Variants in MFSD6 observed in about 807,000 individuals in gnomAD.
MFSD6 encodes major facilitator superfamily domain-containing protein 6.
A neutral mutation model predicts 56.3 loss-of-function variants in MFSD6; 26 were observed. The ratio of observed to expected loss-of-function variants is 0.46; its 90% CI spans 0.34 to 0.64. MFSD6 has a LOEUF of 0.64. Among genes scored for constraint, MFSD6 ranks in the 30% least tolerant of loss-of-function variants. MFSD6 has a pLI of 0.01. For missense variants in MFSD6, 750 were observed against 986.2 expected (o/e 0.76, Z 3.21); for synonymous variants, 331 against 366.9 (o/e 0.90, Z 1.12).
chr2:190,461,791 G>T lies in MFSD6; in HGVS notation c.1533-7967G>T, dbSNP rs1453453187. Among the ~76,000 whole-genome samples the T allele has an allele frequency of 6.6e-6, 1 of 152,054 alleles. No individual in the cohort carries two copies. The highest frequency in any genetic ancestry group is 1.9e-4 in the East Asian group (1 of 5,192). ...AGTTTCAACATATGAATTTTGGAGG[G>T]TATACAGACATTTAAACTGTAGTAT... On this transcript the variant is annotated intron_variant, in intron 3 of 7. Transcript: ENST00000392328. This position sits in a 1 kb window ranked among gnomAD's most constrained non-coding sequence, Gnocchi z 5.5.
rs959434751 is a variant in MFSD6, at chr2:190,467,054, G to C, written c.1533-2704G>C. ...CATGGCAACCCTGATTCAGAGGTGG[G>C]CTCAAAAGACAGCTTCAGGATAGAC... is the stretch of plus-strand genomic sequence containing the variant. On this transcript the variant is annotated intron_variant, in intron 3 of 7. Coordinates refer to ENST00000392328, the MANE Select transcript of MFSD6 (RefSeq NM_017694.4). This position sits in a 1 kb window ranked among gnomAD's most constrained non-coding sequence, Gnocchi z 5.5. 1.3e-5 allele frequency among the ~76,000 whole-genome samples: 2 copies of C among 152,220 alleles called. No individual in the cohort carries two copies. The highest frequency in any genetic ancestry group is 6.5e-5 in the Admixed American group (1 of 15,282).
chr2:190,478,566 A>C (rs1229119988), intron 4 of MFSD6, among the ~76,000 whole-genome samples: 1 of 152,202 alleles, frequency 6.6e-6, no homozygotes, highest in Non-Finnish European at 1.5e-5. Flanking sequence ...CCGTGTGCTT[A>C]AAGGAGACTC....
intron 1 of MFSD6, chr2:190,411,148 A>G (rs1348164890): frequency 1.0e-6 from 1 of 976,278 alleles, no homozygotes; most frequent in African/African-American, 1.8e-5. Context: ...TTGTCCCCAA[A>G]CTGTTGACAG....
chr2:190,423,678 T>A lies in MFSD6; in HGVS notation c.-54+8265T>A, dbSNP rs921550550. Among the ~76,000 whole-genome samples the A allele has an allele frequency of 6.6e-6, 1 of 152,236 alleles. No individual in the cohort carries two copies. Among genetic ancestry groups the A allele is most frequent in the Non-Finnish European group, 1.5e-5 (1 of 68,038 alleles). On this transcript the variant is annotated intron_variant, in intron 2 of 7. Coordinates refer to ENST00000392328, the MANE Select transcript of MFSD6 (RefSeq NM_017694.4). The surrounding 1 kb of genome is among the most constrained non-coding windows in gnomAD (Gnocchi z 4.3). The stretch of plus-strand genomic sequence containing the variant: ...CCAGAAGTGTAATTACTGGGTTTTA[T>A]GGTAATCATGTATTTAGTTTTATTA...
chr2:190,429,269 A>G (rs898554742), intron 2 of MFSD6, among the ~76,000 whole-genome samples: 1 of 150,882 alleles, frequency 6.6e-6, no homozygotes, highest in Non-Finnish European at 1.5e-5. Context: ...TCACCAAAAT[A>G]TCTTCTCTCA....
chr2:190,411,094 A>G (rs1690542347), intron 1 of MFSD6: 1 of 983,556 alleles, frequency 1.0e-6, no homozygotes, highest in African/African-American at 1.8e-5. Flanking sequence ...GAAGAAATTT[A>G]TATACATTTG....
In MFSD6 at chr2:190,497,426, C is replaced by T; in HGVS notation, c.1892-13C>T. On this transcript the variant is annotated splice_polypyrimidine_tract_variant and intron_variant, in intron 6 of 7. Transcript: ENST00000392328. The surrounding 1 kb of genome is among the most constrained non-coding windows in gnomAD (Gnocchi z 5.2). ...ATGCTGAAAAAATAGTTTAAACATT[C>T]TTTTCTCTCCAGACAAGACAATGTT... 1.9e-6 allele frequency: 3 copies of T among 1,606,448 alleles called. No individual in the cohort carries two copies. The highest frequency in any genetic ancestry group is 2.6e-6 in the Non-Finnish European group (3 of 1,175,498).
chr2:190,449,412 T>A (rs1163435180), intron 3 of MFSD6, among the ~76,000 whole-genome samples: 1 of 151,894 alleles, frequency 6.6e-6, no homozygotes, highest in Non-Finnish European at 1.5e-5. Context: ...AGATGGAGGT[T>A]GCAGTGAGCC....
intron 3 of MFSD6, among the ~76,000 whole-genome samples, chr2:190,449,942 C>T (rs548998444): frequency 3.4e-4 from 52 of 151,984 alleles, no homozygotes; most frequent in African/African-American, 1.2e-3. Flanking sequence ...TGCAGCACAC[C>T]AGCATGGCAC....
Position 190,496,596 on chromosome 2 carries a change from G to C in MFSD6, c.1892-843G>C, listed in dbSNP as rs1689691140. Among the ~76,000 whole-genome samples the C allele has an allele frequency of 7.2e-5, 11 of 152,160 alleles. 1 individual carries two copies. The South Asian group carries it at 2.3e-3, about 32-fold the overall frequency. ...CCCAAATGCCCATCAATCAATGAGT[G>C]GATAAAGAAACTGTAGTGTGTGTAT... is the stretch of plus-strand genomic sequence containing the variant. On this transcript the variant is annotated intron_variant, in intron 6 of 7. Transcript: ENST00000392328. This position sits in a 1 kb window ranked among gnomAD's most constrained non-coding sequence, Gnocchi z 4.7.
At position 190,498,032 on chromosome 2, in the gene MFSD6, G is replaced by T; in HGVS notation, c.2172+313G>T. The T allele has an allele frequency of 4.7e-6, 1 of 214,938 alleles. No homozygotes were observed. The allele number at this position is 214,938 out of a possible 1,614,324, so 13.3% of individuals were successfully genotyped here. On this transcript the variant is annotated intron_variant, in intron 7 of 7. Coordinates refer to ENST00000392328, the MANE Select transcript of MFSD6 (RefSeq NM_017694.4). The surrounding 1 kb of genome is among the most constrained non-coding windows in gnomAD (Gnocchi z 5.9). The stretch of plus-strand genomic sequence containing the variant: ...ATTTGTTTTAAATTTCAGTATTGAT[G>T]GTTGTCTCTGTAATTCCAAAATTCT...
chr2:190,500,244 G>A lies in MFSD6; in HGVS notation c.*26G>A. ...GGGCATCCTGCTCATCTCACACCCT[G>A]CATGGAATCAGGCTCCTCAGCCAGG... On this transcript the variant is annotated 3_prime_UTR_variant, in exon 8 of 8. Coordinates refer to ENST00000392328, the MANE Select transcript of MFSD6 (RefSeq NM_017694.4). The surrounding 1 kb of genome is among the most constrained non-coding windows in gnomAD (Gnocchi z 5.3). The A allele has an allele frequency of 6.2e-7, 1 of 1,613,010 alleles. No homozygotes were observed. The highest frequency in any genetic ancestry group is 1.3e-5 in the African/African-American group (1 of 75,026).
rs550623375 is a variant in MFSD6 at position 190,477,895 on chromosome 2, AG to A, written c.1630+8043del. On this transcript the variant is annotated intron_variant, in intron 4 of 7. Coordinates refer to ENST00000392328, the MANE Select transcript of MFSD6 (RefSeq NM_017694.4). The stretch of plus-strand genomic sequence containing the variant: ...AAAAATCACATAAGCTAGATTCTGA[AG>A]GGCGAATAGGAATCTACCAGGTGGT... Among the ~76,000 whole-genome samples, 442 of 152,310 alleles carry A rather than the reference AG, an allele frequency of 2.9e-3. 1 individual carries two copies. Among genetic ancestry groups the A allele is most frequent in the Non-Finnish European group, 5.1e-3 (345 of 68,020 alleles).
intron 1 of MFSD6, among the ~76,000 whole-genome samples, chr2:190,414,146 A>C (rs1227933129): frequency 6.6e-6 from 1 of 152,138 alleles, no homozygotes; most frequent in Non-Finnish European, 1.5e-5. Flanking sequence ...GAGGGAGAGC[A>C]TCAGGATAAA....
chr2:190,410,291 A>G lies in MFSD6; in HGVS notation c.-176+1788A>G, dbSNP rs1405770446. On this transcript the variant is annotated intron_variant, in intron 1 of 7. Coordinates refer to ENST00000392328, the MANE Select transcript of MFSD6 (RefSeq NM_017694.4). The surrounding 1 kb of genome is among the most constrained non-coding windows in gnomAD (Gnocchi z 4.4). ...TCTTTCCCCTAGTTCTGTGCATGAC[A>G]AAAAGGAAGCTCAGAAGGGTTAAGC... 2.6e-5 allele frequency among the ~76,000 whole-genome samples: 4 copies of G among 152,176 alleles called. No individual in the cohort carries two copies. The highest frequency in any genetic ancestry group is 9.7e-5 in the African/African-American group (4 of 41,436).
At chr2:190,429,667 A>T (rs911212060) in intron 2 of MFSD6, among the ~76,000 whole-genome samples, 3 of 152,032 alleles carry the variant, frequency 2.0e-5, no homozygotes, top group Non-Finnish European at 4.4e-5. Context: ...TTAATGTTTA[A>T]TATACTCTGT....
rs928095900 is a variant in MFSD6, at chr2:190,424,559, T to A, written c.-54+9146T>A. On this transcript the variant is annotated intron_variant, in intron 2 of 7. Transcript: ENST00000392328. The surrounding 1 kb of genome is among the most constrained non-coding windows in gnomAD (Gnocchi z 5.9). ...CATGTTGGTCAGGATGGTCTCGAACTCCTGACCTCAGGTGATCCGTCCACC... is the reference window on the plus strand; with the variant it reads ...CATGTTGGTCAGGATGGTCTCGAACACCTGACCTCAGGTGATCCGTCCACC... 2.0e-5 allele frequency among the ~76,000 whole-genome samples: 3 copies of A among 152,182 alleles called. No homozygotes were observed. Among genetic ancestry groups the A allele is most frequent in the African/African-American group, 7.2e-5 (3 of 41,434 alleles).
At chr2:190,421,752 G>T (rs989417844) in intron 2 of MFSD6, among the ~76,000 whole-genome samples, 2 of 152,126 alleles carry the variant, frequency 1.3e-5, no homozygotes, top group African/African-American at 4.8e-5. Context: ...TTAAAGATGG[G>T]ATCTCACTAT....
chr2:190,476,234 G>C (rs1688298919), intron 4 of MFSD6, among the ~76,000 whole-genome samples: 2 of 152,082 alleles, frequency 1.3e-5, no homozygotes, highest in Middle Eastern at 3.2e-3. Context: ...AAGAGCTTCT[G>C]CACAGCAAAA....
Sources: allele counts gnomAD v4.1 joint callset (sites outside exome capture counted in the v4.1 genomes callset), GRCh38; gene constraint gnomAD v4.1.1; non-coding constraint Gnocchi (gnomAD v3.1); transcripts MANE v1.5; gene names NCBI Gene and HGNC (gene_info 2026-07-23, HGNC 2026-07-21).